The following PAG1 variants were observed in gnomAD, a reference collection of about 807,000 sequenced individuals.
PAG1 encodes the protein phosphoprotein associated with glycosphingolipid-enriched microdomains 1.
A neutral mutation model predicts 31.7 loss-of-function variants in PAG1; 23 were observed. That is an observed-to-expected ratio of 0.73 (90% CI 0.52 to 1.03). The LOEUF is 1.03. Ranked by LOEUF, PAG1 falls within the 50% of genes least tolerant of loss-of-function variation. The pLI is 0.00. For missense variants in PAG1, 473 were observed against 540.7 expected (o/e 0.87, Z 1.24); for synonymous variants, 214 against 210.3 (o/e 1.02, Z -0.15).
In PAG1 at chr8:81,008,103, G is replaced by A. The variant is rs73694009; in HGVS notation, c.-80-14796C>T. Among the ~76,000 whole-genome samples, 418 of 152,150 alleles carry A rather than the reference G, an allele frequency of 2.7e-3. 1 individual carries two copies. The highest frequency in any genetic ancestry group is 9.9e-3 in the African/African-American group (409 of 41,508). On this transcript the variant is annotated intron_variant, in intron 3 of 8. Coordinates refer to ENST00000220597, the MANE Select transcript of PAG1 (RefSeq NM_018440.4). Reference sequence around the variant, plus strand: ...CGGATTAAATAATATAAGCTATGTGGTTTCATTCTAGTTCTTTTTGTAAGC... The same window carrying A: ...CGGATTAAATAATATAAGCTATGTGATTTCATTCTAGTTCTTTTTGTAAGC...
At chr8:81,025,231 T>C (rs1461161647) in intron 3 of PAG1, among the ~76,000 whole-genome samples, 2 of 152,042 alleles carry the variant, frequency 1.3e-5, no homozygotes, top group Non-Finnish European at 2.9e-5. Context: ...TGAGAAAATA[T>C]AAAATGTAGG....
intron 8 of PAG1, among the ~76,000 whole-genome samples, chr8:80,978,464 G>A (rs1807228506): frequency 1.3e-5 from 2 of 152,158 alleles, no homozygotes; most frequent in African/African-American, 2.4e-5. Context: ...GATGACAATG[G>A]TGAGGGGAGA....
At chr8:81,009,365 T>C (rs1807941101) in intron 3 of PAG1, among the ~76,000 whole-genome samples, 1 of 152,222 alleles carries the variant, frequency 6.6e-6, no homozygotes, top group South Asian at 2.1e-4. Context: ...CTCCAGATTA[T>C]GCTTTAGAAG....
chr8:81,059,860 G>A (rs184362635), intron 2 of PAG1, among the ~76,000 whole-genome samples: 2 of 151,824 alleles, frequency 1.3e-5, no homozygotes, highest in African/African-American at 4.8e-5. Context: ...TACTAAAAAT[G>A]CAAAAATTAG....
chr8:81,002,283 G>A (rs929939920), intron 3 of PAG1, among the ~76,000 whole-genome samples: 1 of 151,294 alleles, frequency 6.6e-6, no homozygotes, highest in Non-Finnish European at 1.5e-5. Flanking sequence ...GTTCAAAAAT[G>A]TACCACTTGA....
At chr8:81,093,639 G>A (rs927730463) in intron 1 of PAG1, among the ~76,000 whole-genome samples, 1 of 151,374 alleles carries the variant, frequency 6.6e-6, no homozygotes, top group Non-Finnish European at 1.5e-5. Context: ...GTGGCCCTGA[G>A]CCCACCTTAC....
chr8:81,023,335 T>C (rs898761361), intron 3 of PAG1, among the ~76,000 whole-genome samples: 6 of 152,170 alleles, frequency 3.9e-5, no homozygotes, highest in Non-Finnish European at 5.9e-5. Context: ...ATACTTGGTT[T>C]TGGGACCAAT....
chr8:80,993,755 G>A (rs73275911), intron 3 of PAG1, among the ~76,000 whole-genome samples: 17,159 of 148,568 alleles, frequency 0.12, 1,219 homozygotes, highest in African/African-American at 0.2. Context: ...ACAGGCATGC[G>A]CCACCATTCC....
At chr8:81,093,439 G>A (rs184566313) in intron 1 of PAG1, among the ~76,000 whole-genome samples, 2 of 151,928 alleles carry the variant, frequency 1.3e-5, no homozygotes, top group African/African-American at 4.8e-5. Context: ...AAATGCTTTC[G>A]CATTTTATCA....
At chr8:81,076,598 T>C (rs1809182034) in intron 1 of PAG1, among the ~76,000 whole-genome samples, 1 of 152,186 alleles carries the variant, frequency 6.6e-6, no homozygotes, top group African/African-American at 2.4e-5. Context: ...ACCTTCCCAT[T>C]TCCAACCCCT....
chr8:81,078,984 A>G (rs1218015332), intron 1 of PAG1, among the ~76,000 whole-genome samples: 1 of 152,154 alleles, frequency 6.6e-6, no homozygotes, highest in African/African-American at 2.4e-5. Flanking sequence ...TGCAAATGCT[A>G]GAGTTTCACC....
At position 80,976,430 on chromosome 8, in the gene PAG1, C is replaced by T. The variant is rs1563612199; in HGVS notation, c.*114G>A. 1.1e-5 allele frequency: 12 copies of T among 1,096,194 alleles called. No homozygotes were observed. In the East Asian group the frequency reaches 2.6e-4, roughly 24 times the overall value. 67.9% of individuals were successfully genotyped at this position (1,096,194 alleles called of 1,614,324 possible). ...CAGTCGACAGGGCCTCTCCAACCAT[C>T]TTCAGGTGACTAAAGCAGCATATGA... On this transcript the variant is annotated 3_prime_UTR_variant, in exon 9 of 9. Coordinates refer to ENST00000220597, the MANE Select transcript of PAG1 (RefSeq NM_018440.4).
At chr8:81,070,074 T>C (rs1263370211) in intron 2 of PAG1, 38 bp downstream of exon 2, 4 of 152,182 alleles carry the variant, frequency 2.6e-5, no homozygotes, top group African/African-American at 9.7e-5. Context: ...TGAGTAATAA[T>C]GTAGAATAAA....
At chr8:81,054,112 A>G (rs959503840) in intron 2 of PAG1, among the ~76,000 whole-genome samples, 1 of 152,204 alleles carries the variant, frequency 6.6e-6, no homozygotes, top group African/African-American at 2.4e-5. Flanking sequence ...TGGCAAATGA[A>G]GCCCTTGGAA....
At chr8:81,052,834 T>C (rs1422739143) in intron 2 of PAG1, among the ~76,000 whole-genome samples, 3 of 152,226 alleles carry the variant, frequency 2.0e-5, no homozygotes, top group South Asian at 4.1e-4. Flanking sequence ...CTGTTGTTCT[T>C]GGAAAACAAA....
chr8:81,047,533 A>G (rs1667756935), intron 2 of PAG1, among the ~76,000 whole-genome samples: 1 of 152,170 alleles, frequency 6.6e-6, no homozygotes, highest in Non-Finnish European at 1.5e-5. Flanking sequence ...TACAATAATC[A>G]CTTAAACAGA....
At position 80,969,109 on chromosome 8, in the gene PAG1, C is replaced by T. The variant is rs1231716904; in HGVS notation, c.*7435G>A. On this transcript the variant is annotated 3_prime_UTR_variant, in exon 9 of 9. Transcript: ENST00000220597. ...CCTGATGCTTTTCACATTGCTTCTC[C>T]TCAAGACATGAGCATTGCTGCAGGC... 1.3e-5 allele frequency: 2 copies of T among 152,214 alleles called. No individual in the cohort carries two copies. The highest frequency in any genetic ancestry group is 2.9e-5 in the Non-Finnish European group (2 of 68,034). 9.4% of individuals were successfully genotyped at this position (152,214 alleles called of 1,614,324 possible).
chr8:81,052,053 C>T (rs1255632131), intron 2 of PAG1, among the ~76,000 whole-genome samples: 3 of 151,624 alleles, frequency 2.0e-5, no homozygotes, highest in Non-Finnish European at 4.4e-5. Flanking sequence ...TGGCGTGAAC[C>T]CGGGAGGCGG....
At position 80,977,021 on chromosome 8, in the gene PAG1, G is replaced by T. The variant is rs1007519654; in HGVS notation, c.937-115C>A. On this transcript the variant is annotated intron_variant, in intron 8 of 8. Coordinates refer to ENST00000220597, the MANE Select transcript of PAG1 (RefSeq NM_018440.4). ...GGTTTCTGTGTGTGTACTCCTTAAAGATTTGTTCTTTCTTATCTGTACTAA... is the reference window on the plus strand; with the variant it reads ...GGTTTCTGTGTGTGTACTCCTTAAATATTTGTTCTTTCTTATCTGTACTAA... The T allele has an allele frequency of 2.0e-5, 18 of 893,844 alleles. No individual in the cohort carries two copies. In the African/African-American group the frequency reaches 2.7e-4, roughly 13 times the overall value. 55.4% of individuals were successfully genotyped at this position (893,844 alleles called of 1,614,324 possible). A position where few individuals can be genotyped will look rare whatever the true frequency, so the allele number is the denominator to read the frequency against.
Sources: gnomAD v4.1 joint callset for allele counts (sites outside exome capture counted in the v4.1 genomes callset) on GRCh38, gnomAD v4.1.1 for gene constraint, MANE v1.5 for transcripts, NCBI Gene and HGNC (gene_info 2026-07-23, HGNC 2026-07-21) for gene names.